Variants in SEMA5A observed in about 807,000 individuals in gnomAD.
SEMA5A encodes the protein semaphorin 5A.
SEMA5A carries 55 observed loss-of-function variants against 135.5 expected under a neutral mutation model. The observed-to-expected ratio is 0.41, with a 90% confidence interval of 0.33 to 0.51. SEMA5A has a LOEUF of 0.51. Among genes scored for constraint, SEMA5A ranks in the 20% least tolerant of loss-of-function variants. SEMA5A has a pLI of 0.37. For missense variants in SEMA5A, 1,290 were observed against 1,419.9 expected (o/e 0.91, Z 1.47); for synonymous variants, 580 against 546.5 (o/e 1.06, Z -0.85).
chr5:9,364,188 T>C (rs974077525), intron 3 of SEMA5A, among the ~76,000 whole-genome samples: 1 of 152,248 alleles, frequency 6.6e-6, no homozygotes, highest in African/African-American at 2.4e-5. Context: ...TCTTTCTTTA[T>C]TCTCTCTAAA....
chr5:9,051,925 G>C lies in SEMA5A; in HGVS notation c.2793C>G (p.Ser931=). Residue 931 remains serine, a synonymous_variant, in exon 20 of 23, where the codon TCC becomes TCG. Coordinates refer to ENST00000382496, the MANE Select transcript of SEMA5A (RefSeq NM_003966.3). ...ACGGCCGGCTCTCCGTGGTGTTCCC[G>C]GAGCACTGGCTGCCCATGGGGAACA... ...ILLFPMGSQC[S]GNTTESRPCV... The C allele has an allele frequency of 6.2e-7, 1 of 1,614,124 alleles. No individual in the cohort carries two copies. Among genetic ancestry groups the C allele is most frequent in the Non-Finnish European group, 8.5e-7 (1 of 1,180,026 alleles).
chr5:9,294,797 AATTC>A (rs914153852), intron 5 of SEMA5A, among the ~76,000 whole-genome samples: 2 of 152,058 alleles, frequency 1.3e-5, no homozygotes, highest in Non-Finnish European at 2.9e-5. Flanking sequence ...CTGATTCAAC[AATTC>A]ATTCATTCAT....
chr5:9,375,753 C>T (rs976583436), intron 3 of SEMA5A, among the ~76,000 whole-genome samples: 4 of 151,560 alleles, frequency 2.6e-5, no homozygotes, highest in Non-Finnish European at 5.9e-5. Flanking sequence ...TGTCACTCTT[C>T]CTTCTGGCAT....
chr5:9,184,264 T>TC (rs202230679), intron 11 of SEMA5A, among the ~76,000 whole-genome samples: 3 of 152,078 alleles, frequency 2.0e-5, no homozygotes, highest in African/African-American at 4.8e-5. Flanking sequence ...TAGTTTTTTT[T>TC]TTCCTCCTCA....
intron 5 of SEMA5A, among the ~76,000 whole-genome samples, chr5:9,253,954 C>A (rs1351062589): frequency 6.6e-6 from 1 of 152,124 alleles, no homozygotes; most frequent in Non-Finnish European, 1.5e-5. Flanking sequence ...TCCTCCATGC[C>A]TAACATCATT....
intron 5 of SEMA5A, among the ~76,000 whole-genome samples, chr5:9,298,509 C>T (rs143286407): frequency 0.011 from 1,695 of 152,292 alleles, 23 homozygotes; most frequent in South Asian, 0.019. Context: ...AATACACATG[C>T]GTAGAACAGA....
chr5:9,515,378 C>T (rs1736452083), intron 1 of SEMA5A, among the ~76,000 whole-genome samples: 2 of 152,206 alleles, frequency 1.3e-5, no homozygotes, highest in African/African-American at 4.8e-5. Context: ...TCTAGTTCGT[C>T]ATGCAACGGA....
At chr5:9,479,091 G>A (rs545473661) in intron 1 of SEMA5A, among the ~76,000 whole-genome samples, 2 of 152,132 alleles carry the variant, frequency 1.3e-5, no homozygotes, top group Non-Finnish European at 2.9e-5. Context: ...TGTACGACGT[G>A]CCTCACTTCC....
intron 1 of SEMA5A, among the ~76,000 whole-genome samples, chr5:9,476,608 C>T (rs1345860584): frequency 6.6e-6 from 1 of 152,170 alleles, no homozygotes; most frequent in Non-Finnish European, 1.5e-5. Context: ...ACCCTGGGCT[C>T]TGAATCTCCA....
At chr5:9,050,614 G>T (rs1736518207) in intron 20 of SEMA5A, among the ~76,000 whole-genome samples, 157 bp from the exon 21 acceptor site, 1 of 152,290 alleles carries the variant, frequency 6.6e-6, no homozygotes, top group Non-Finnish European at 1.5e-5. Context: ...TTGTTTCTTT[G>T]CTTGTTTTAA....
chr5:9,168,228 A>G (rs1743719548), intron 11 of SEMA5A, among the ~76,000 whole-genome samples: 1 of 152,184 alleles, frequency 6.6e-6, no homozygotes, highest in Non-Finnish European at 1.5e-5. Flanking sequence ...GAAGCCTGAG[A>G]TGGACCTTCC....
chr5:9,537,997 A>G (rs1435061352), intron 1 of SEMA5A, among the ~76,000 whole-genome samples: 1 of 152,198 alleles, frequency 6.6e-6, no homozygotes, highest in Non-Finnish European at 1.5e-5. Context: ...GTGTGAGGAA[A>G]GCAAGGTGCC....
intron 1 of SEMA5A, among the ~76,000 whole-genome samples, chr5:9,524,247 C>G (rs443626): frequency 6.6e-6 from 1 of 152,218 alleles, no homozygotes; most frequent in Non-Finnish European, 1.5e-5. Context: ...CCATGCGGAA[C>G]TATGAGTCAA....
chr5:9,227,005 A>G, intron 6 of SEMA5A, 38 bp from the exon 7 acceptor site: 1 of 1,040,018 alleles, frequency 9.6e-7, no homozygotes, highest in Non-Finnish European at 1.3e-6. Flanking sequence ...AAATATATAT[A>G]TATATGTATA....
intron 9 of SEMA5A, among the ~76,000 whole-genome samples, chr5:9,201,600 AC>A (rs1745705850): frequency 6.6e-6 from 1 of 152,246 alleles, no homozygotes; most frequent in African/African-American, 2.4e-5. Context: ...CAAATGCATG[AC>A]TTGCATATAG....
intron 1 of SEMA5A, among the ~76,000 whole-genome samples, chr5:9,453,697 A>C (rs1446979697): frequency 2.0e-5 from 3 of 152,248 alleles, no homozygotes; most frequent in Non-Finnish European, 4.4e-5. Flanking sequence ...CGCAGGAACC[A>C]AACCCTATAT....
chr5:9,364,351 C>T (rs1754826298), intron 3 of SEMA5A, among the ~76,000 whole-genome samples: 2 of 152,086 alleles, frequency 1.3e-5, no homozygotes, highest in African/African-American at 2.4e-5. Flanking sequence ...TATTTTATAG[C>T]CCTGAATGTA....
Position 9,054,330 on chromosome 5 carries a change from A to C in SEMA5A, c.2519-73T>G. On this transcript the variant is annotated intron_variant, in intron 18 of 22. Coordinates refer to ENST00000382496, the MANE Select transcript of SEMA5A (RefSeq NM_003966.3). ...CAAGTGAAAGGAGTTACTAAATGGAAGCTAAGTGGATTCTGTTTAGTAAGG... is the reference window on the plus strand; with the variant it reads ...CAAGTGAAAGGAGTTACTAAATGGACGCTAAGTGGATTCTGTTTAGTAAGG... 2.0e-6 allele frequency: 3 copies of C among 1,531,800 alleles called. No homozygotes were observed. The Admixed American group carries it at 5.9e-5, about 30-fold the overall frequency. 94.9% of individuals were successfully genotyped at this position (1,531,800 alleles called of 1,614,324 possible). A position where few individuals can be genotyped will look rare whatever the true frequency, so the allele number is the denominator to read the frequency against.
chr5:9,338,135 G>A (rs1753479365), intron 3 of SEMA5A, among the ~76,000 whole-genome samples: 1 of 152,222 alleles, frequency 6.6e-6, no homozygotes, highest in South Asian at 2.1e-4. Context: ...TGATTCATCA[G>A]AGGAATACTG....
Sources: allele counts gnomAD v4.1 joint callset (sites outside exome capture counted in the v4.1 genomes callset), GRCh38; gene constraint gnomAD v4.1.1; transcripts MANE v1.5; gene names NCBI Gene and HGNC (gene_info 2026-07-23, HGNC 2026-07-21).